CPPED1: variants seen among roughly 807,000 people sequenced by gnomAD.
CPPED1 encodes the protein calcineurin like phosphoesterase domain containing 1.
Under a neutral mutation model 28.0 loss-of-function variants are expected in CPPED1, and 28 were observed. The observed-to-expected ratio is 1.00, with a 90% confidence interval of 0.74 to 1.37. The LOEUF (loss-of-function observed/expected upper bound fraction) is 1.37, where lower values mean the gene tolerates loss of function less well. CPPED1 is among the 40% of genes most tolerant of loss of function. The pLI, the probability that CPPED1 is intolerant of heterozygous loss-of-function variation, is 0.00. For missense variants in CPPED1, 504 were observed against 416.5 expected (o/e 1.21, Z -1.83); for synonymous variants, 198 against 180.2 (o/e 1.10, Z -0.79).
intron 2 of CPPED1, among the ~76,000 whole-genome samples, chr16:12,755,828 A>T (rs2141222460): frequency 6.6e-6 from 1 of 152,234 alleles, no homozygotes; most frequent in African/African-American, 2.4e-5. Context: ...GCACTCTGCA[A>T]GATGCCTCAA....
chr16:12,728,962 T>C (rs971689596), intron 2 of CPPED1, among the ~76,000 whole-genome samples: 5 of 152,156 alleles, frequency 3.3e-5, no homozygotes, highest in African/African-American at 1.2e-4. Flanking sequence ...GGACCCCCTG[T>C]CTGTGAGCTT....
intron 2 of CPPED1, among the ~76,000 whole-genome samples, chr16:12,765,906 C>A (rs1324383149): frequency 6.6e-6 from 1 of 152,106 alleles, no homozygotes; most frequent in Non-Finnish European, 1.5e-5. Flanking sequence ...AATTGAACCC[C>A]TTTGGGATCA....
At chr16:12,729,729 A>G (rs1296517437) in intron 2 of CPPED1, among the ~76,000 whole-genome samples, 3 of 152,216 alleles carry the variant, frequency 2.0e-5, no homozygotes, top group Non-Finnish European at 4.4e-5. Flanking sequence ...GTAGATTGAA[A>G]ACACATTCAG....
intron 3 of CPPED1, among the ~76,000 whole-genome samples, chr16:12,671,210 T>C (rs186800796): frequency 3.2e-4 from 49 of 152,252 alleles, no homozygotes; most frequent in Non-Finnish European, 1.5e-5. Flanking sequence ...ACATATTATA[T>C]CAGAATAATA....
chr16:12,673,029 A>G (rs889668557), intron 3 of CPPED1, among the ~76,000 whole-genome samples: 1 of 152,060 alleles, frequency 6.6e-6, no homozygotes, highest in African/African-American at 2.4e-5. Context: ...AAGAAAAAAG[A>G]AAAGAGAAAA....
At chr16:12,685,873 A>C (rs570622226) in intron 3 of CPPED1, among the ~76,000 whole-genome samples, 1 of 152,366 alleles carries the variant, frequency 6.6e-6, no homozygotes, top group African/African-American at 2.4e-5. Flanking sequence ...TCTTTTAAAA[A>C]GTCCCCCTTT....
chr16:12,734,356 C>T (rs559190882), intron 2 of CPPED1, among the ~76,000 whole-genome samples: 212 of 151,478 alleles, frequency 1.4e-3, no homozygotes, highest in African/African-American at 4.9e-3. Flanking sequence ...AGGCATGAGT[C>T]ACTGCACCTG....
intron 2 of CPPED1, among the ~76,000 whole-genome samples, chr16:12,768,845 C>A (rs1435939749): frequency 6.6e-6 from 1 of 151,724 alleles, no homozygotes; most frequent in Non-Finnish European, 1.5e-5. Flanking sequence ...ATGGTTTAAA[C>A]TCACTGCCAT....
At chr16:12,678,411 C>T (rs1054945487) in intron 3 of CPPED1, among the ~76,000 whole-genome samples, 12 of 152,202 alleles carry the variant, frequency 7.9e-5, no homozygotes, top group Non-Finnish European at 1.5e-4. Context: ...GGAAATTTTA[C>T]AATCAGTATG....
intron 2 of CPPED1, among the ~76,000 whole-genome samples, chr16:12,756,589 C>A (rs2080370607): frequency 6.6e-6 from 1 of 152,082 alleles, no homozygotes; most frequent in African/African-American, 2.4e-5. Flanking sequence ...CACCTGTCAT[C>A]CCAGTTACTT....
intron 1 of CPPED1, among the ~76,000 whole-genome samples, chr16:12,795,687 G>C (rs993584250): frequency 6.6e-6 from 1 of 152,204 alleles, no homozygotes; most frequent in Non-Finnish European, 1.5e-5. Flanking sequence ...GCTTTGTTTA[G>C]TCCGGAGACT....
At chr16:12,674,624 T>TC (rs2079869049) in intron 3 of CPPED1, among the ~76,000 whole-genome samples, 1 of 152,082 alleles carries the variant, frequency 6.6e-6, no homozygotes, top group African/African-American at 2.4e-5. Context: ...TACTGAATCC[T>TC]CCCAATGCAC....
intron 3 of CPPED1, among the ~76,000 whole-genome samples, chr16:12,668,619 T>G (rs1288462840): frequency 6.6e-6 from 1 of 152,098 alleles, no homozygotes; most frequent in African/African-American, 2.4e-5. Context: ...CCAGAAAACA[T>G]AAAGAGCTTT....
intron 1 of CPPED1, among the ~76,000 whole-genome samples, chr16:12,784,641 A>G (rs549658155): frequency 1.3e-5 from 2 of 152,012 alleles, no homozygotes; most frequent in South Asian, 4.1e-4. Flanking sequence ...TTTTACACCA[A>G]TGAATGCTTC....
At chr16:12,720,745 T>C (rs1298084784) in intron 2 of CPPED1, among the ~76,000 whole-genome samples, 2 of 152,268 alleles carry the variant, frequency 1.3e-5, no homozygotes, top group Non-Finnish European at 2.9e-5. Context: ...TCAAAAGTGC[T>C]GGGATTACAG....
chr16:12,776,833 C>T (rs768464442), intron 2 of CPPED1, among the ~76,000 whole-genome samples: 6 of 152,026 alleles, frequency 3.9e-5, no homozygotes, highest in Non-Finnish European at 4.4e-5. Context: ...GCAGGAGAAT[C>T]GCTTGAACCC....
intron 2 of CPPED1, among the ~76,000 whole-genome samples, chr16:12,712,114 T>C (rs565299936): frequency 6.6e-6 from 1 of 152,334 alleles, no homozygotes; most frequent in Admixed American, 6.5e-5. Context: ...TCGTTTACTG[T>C]GGTGCCTGGA....
intron 2 of CPPED1, among the ~76,000 whole-genome samples, chr16:12,707,870 G>C (rs2080059787): frequency 6.6e-6 from 1 of 152,160 alleles, no homozygotes; most frequent in Non-Finnish European, 1.5e-5. Flanking sequence ...CTCTTGGCAG[G>C]GCGTACTGAT....
intron 2 of CPPED1, among the ~76,000 whole-genome samples, chr16:12,720,740 A>G (rs1206025949): frequency 1.3e-5 from 2 of 152,260 alleles, no homozygotes; most frequent in Non-Finnish European, 2.9e-5. Flanking sequence ...GGCCTTCAAA[A>G]GTGCTGGGAT....
Sources: allele counts gnomAD v4.1 joint callset (sites outside exome capture counted in the v4.1 genomes callset), GRCh38; gene constraint gnomAD v4.1.1; transcripts MANE v1.5; gene names NCBI Gene and HGNC (gene_info 2026-07-23, HGNC 2026-07-21).